USP37: variants seen among roughly 807,000 people sequenced by gnomAD.
USP37 encodes ubiquitin specific peptidase 37.
In USP37, 27 loss-of-function variants were observed where a neutral mutation model predicts 124.0. That is an observed-to-expected ratio of 0.22 (90% CI 0.16 to 0.30). The LOEUF is 0.30. USP37 is among the 10% of genes least tolerant of loss of function. USP37 has a pLI of 1.00. For synonymous variants in USP37, 365 were observed against 388.0 expected (o/e 0.94, Z 0.70); for missense variants, 889 against 1,140.4 (o/e 0.78, Z 3.17).
At chr2:218,556,499 TTC>T (rs371076942) in intron 4 of USP37, among the ~76,000 whole-genome samples, 411 of 141,582 alleles carry the variant, frequency 2.9e-3, no homozygotes, top group African/African-American at 0.01. Context: ...CTCTGGGTTT[TTC>T]TGTTTTTTTT....
intron 10 of USP37, among the ~76,000 whole-genome samples, chr2:218,526,785 C>CTTTTTTTTTTTTTTTTTTTTTT (rs71064454): frequency 1.3e-5 from 1 of 75,920 alleles, no homozygotes; most frequent in African/African-American, 5.6e-5. Context: ...ATTTCATTTG[C>CTTTTTTTTTTTTTTTTTTTTTT]TTTTTTTTTT....
chr2:218,548,274 A>G (rs962981336), intron 6 of USP37, among the ~76,000 whole-genome samples: 1 of 152,148 alleles, frequency 6.6e-6, no homozygotes, highest in Non-Finnish European at 1.5e-5. Context: ...AGCATACTAC[A>G]TGTCCACTGT....
intron 24 of USP37, among the ~76,000 whole-genome samples, chr2:218,456,243 G>A (rs1422410721): frequency 1.3e-5 from 2 of 152,136 alleles, no homozygotes; most frequent in East Asian, 3.9e-4. Flanking sequence ...GAGGCCAGGA[G>A]TTTGAAACCA....
At chr2:218,479,617 A>C (rs770558501) in intron 18 of USP37, 33 bp downstream of exon 18, 5 of 1,586,978 alleles carry the variant, frequency 3.2e-6, no homozygotes, top group Non-Finnish European at 4.3e-6. Context: ...AACCTTAAAC[A>C]CAGATTTTGG....
chr2:218,538,028 G>A (rs888559377), intron 8 of USP37, among the ~76,000 whole-genome samples: 2 of 152,136 alleles, frequency 1.3e-5, no homozygotes, highest in South Asian at 2.1e-4. Flanking sequence ...ATCATAAAAT[G>A]GAAGCAGGTA....
chr2:218,470,697 T>C (rs908450804), intron 20 of USP37, among the ~76,000 whole-genome samples: 8 of 152,224 alleles, frequency 5.3e-5, no homozygotes, highest in African/African-American at 1.9e-4. Context: ...CTGTGGGCTT[T>C]CTCATTTCTG....
At chr2:218,517,480 G>A (rs938738957) in intron 10 of USP37, among the ~76,000 whole-genome samples, 1 of 152,064 alleles carries the variant, frequency 6.6e-6, no homozygotes, top group African/African-American at 2.4e-5. Context: ...CCTTTACTTC[G>A]AAACTATAGG....
At chr2:218,559,001 T>TAAA (rs35129465) in intron 3 of USP37, among the ~76,000 whole-genome samples, 2 of 143,144 alleles carry the variant, frequency 1.4e-5, no homozygotes, top group African/African-American at 2.6e-5. Context: ...AAATATAAGT[T>TAAA]AAAAAAAAAA....
In USP37 at chr2:218,558,489, T is replaced by A; in HGVS notation, c.156+9A>T. ...TCAAGAGCTATTCCAAATCAATATTTGGTATTACCTGAAATATCCTTGGAA... is the reference window on the plus strand; with the variant it reads ...TCAAGAGCTATTCCAAATCAATATTAGGTATTACCTGAAATATCCTTGGAA... On this transcript the variant is annotated intron_variant, in intron 4 of 25. Transcript: ENST00000258399. 6.2e-7 allele frequency: 1 copy of A among 1,607,002 alleles called. No individual in the cohort carries two copies. The highest frequency in any genetic ancestry group is 8.5e-7 in the Non-Finnish European group (1 of 1,176,392).
chr2:218,483,714 A>C (rs1372610812), intron 16 of USP37, among the ~76,000 whole-genome samples: 1 of 152,144 alleles, frequency 6.6e-6, no homozygotes, highest in East Asian at 1.9e-4. Context: ...GACATCCAGC[A>C]TGTGAGGTCA....
intron 9 of USP37, among the ~76,000 whole-genome samples, chr2:218,534,388 C>G (rs1196201602): frequency 6.6e-6 from 1 of 152,170 alleles, no homozygotes; most frequent in African/African-American, 2.4e-5. Flanking sequence ...ACTTGAGAGG[C>G]TGAGGCAGGA....
At chr2:218,505,366 T>C (rs1429213787) in intron 11 of USP37, among the ~76,000 whole-genome samples, 1 of 152,158 alleles carries the variant, frequency 6.6e-6, no homozygotes, top group Non-Finnish European at 1.5e-5. Flanking sequence ...TCACCATTGT[T>C]TGTCTTAGTT....
intron 22 of USP37, among the ~76,000 whole-genome samples, chr2:218,461,325 T>A (rs1051043070): frequency 3.3e-5 from 5 of 151,658 alleles, no homozygotes; most frequent in African/African-American, 1.2e-4. Context: ...CTGACCAACA[T>A]GGTAAACTCC....
Position 218,546,240 on chromosome 2 carries a change from T to G in USP37, c.661A>C (p.Lys221Gln). The G allele has an allele frequency of 6.2e-7, 1 of 1,612,902 alleles. No individual in the cohort carries two copies. The highest frequency in any genetic ancestry group is 8.5e-7 in the Non-Finnish European group (1 of 1,179,494). The stretch of plus-strand genomic sequence containing the variant: ...ACTTACGATGATGAATCATTTTCCT[T>G]AGGGTAATCTTCATTCAATTCTGAG... ...TGSELNEDYP[K>Q]ENDSSSNNKA... The change falls in exon 8 of 26, where the codon AAG becomes CAG. Residue 221 changes from lysine (K) to glutamine (Q), a missense_variant. This residue lies in a region of USP37 where 374 missense variants were observed against 386.0 expected (regional missense o/e 0.97). Coordinates refer to ENST00000258399, the MANE Select transcript of USP37 (RefSeq NM_020935.3).
chr2:218,531,318 G>A (rs895216143), intron 9 of USP37, among the ~76,000 whole-genome samples: 1 of 152,178 alleles, frequency 6.6e-6, no homozygotes, highest in Non-Finnish European at 1.5e-5. Flanking sequence ...CTACTTGCCT[G>A]TGCTCTAGAA....
chr2:218,519,610 C>T (rs147815404), intron 10 of USP37, among the ~76,000 whole-genome samples: 35 of 152,128 alleles, frequency 2.3e-4, no homozygotes, highest in Non-Finnish European at 4.9e-4. Context: ...TAATTCCTCA[C>T]ACTCCTATCA....
intron 10 of USP37, among the ~76,000 whole-genome samples, chr2:218,525,079 A>G (rs1272445246): frequency 4.6e-5 from 7 of 152,248 alleles, no homozygotes; most frequent in African/African-American, 1.7e-4. Context: ...ATTTAGATTA[A>G]AAAATATACT....
At chr2:218,512,490 A>G (rs1296686198) in intron 10 of USP37, among the ~76,000 whole-genome samples, 1 of 152,212 alleles carries the variant, frequency 6.6e-6, no homozygotes, top group Non-Finnish European at 1.5e-5. Context: ...CCTGAGGGAC[A>G]GAGAGAGACG....
intron 9 of USP37, among the ~76,000 whole-genome samples, chr2:218,533,607 A>G (rs1691457466): frequency 6.6e-6 from 1 of 152,188 alleles, no homozygotes; most frequent in African/African-American, 2.4e-5. Context: ...CAATAAGCAG[A>G]GTTTATATCT....
Sources: gnomAD v4.1 joint callset for allele counts (sites outside exome capture counted in the v4.1 genomes callset) on GRCh38, gnomAD v4.1.1 for gene constraint, gnomAD v4.1.1 regional missense constraint, MANE v1.5 for transcripts, NCBI Gene and HGNC (gene_info 2026-07-23, HGNC 2026-07-21) for gene names.